Variants in SAMSN1 observed in about 807,000 individuals in gnomAD.
The protein encoded by SAMSN1 is SAM domain-containing protein SAMSN-1.
In SAMSN1, 31 loss-of-function variants were observed where a neutral mutation model predicts 42.0. The ratio of observed to expected loss-of-function variants is 0.74; its 90% CI spans 0.55 to 1.00. The LOEUF is 1.00. Among genes scored for constraint, SAMSN1 ranks in the 50% least tolerant of loss-of-function variants. The probability of loss-of-function intolerance (pLI) is 0.00; values close to 1 mark genes in which losing one functional copy is unlikely to be tolerated. For missense variants in SAMSN1, 464 were observed against 439.4 expected (o/e 1.06, Z -0.50); for synonymous variants, 178 against 151.9 (o/e 1.17, Z -1.26).
chr21:14,577,267 TATATATATATATATATA>T lies in SAMSN1; in HGVS notation c.261+4852_261+4868del, dbSNP rs1318040233. Among the ~76,000 whole-genome samples the T allele has an allele frequency of 8.0e-4, 42 of 52,818 alleles. 4 individuals carry two copies. Among genetic ancestry groups the T allele is most frequent in the African/African-American group, 2.4e-3 (19 of 8,076 alleles). 34.7% of individuals were successfully genotyped at this position (52,818 alleles called of 152,430 possible). A position where few individuals can be genotyped will look rare whatever the true frequency, so the allele number is the denominator to read the frequency against. On this transcript the variant is annotated intron_variant, in intron 2 of 8. Coordinates refer to the SAMSN1 transcript ENST00000285670. ...ATATATATATATATATATATATATA[TATATATATATATATATA>T]TTTTTTTTTTAGAAGAGACAGGGTT...
intron 1 of SAMSN1, among the ~76,000 whole-genome samples, chr21:14,653,129 G>A (rs534264870): frequency 2.0e-5 from 3 of 151,980 alleles, no homozygotes; most frequent in African/African-American, 7.2e-5. Context: ...ACAGTTTGGA[G>A]GTTCCCCAAA....
intron 7 of SAMSN1, among the ~76,000 whole-genome samples, chr21:14,490,266 T>C (rs190319374): frequency 1.3e-5 from 2 of 152,174 alleles, no homozygotes; most frequent in African/African-American, 4.8e-5. Flanking sequence ...TTAAAGGGCA[T>C]TGGAACTAAA....
At chr21:14,566,576 C>T (rs1041606843) in intron 2 of SAMSN1, among the ~76,000 whole-genome samples, 6 of 151,644 alleles carry the variant, frequency 4.0e-5, no homozygotes, top group Admixed American at 6.6e-5. Flanking sequence ...CTCACTTTGT[C>T]GCCCAGGCTA....
exon 6 of SAMSN1, chr21:14,602,039 T>G (rs1251809112): frequency 1.4e-6 from 1 of 690,056 alleles, no homozygotes; most frequent in Non-Finnish European, 2.7e-6. Flanking sequence ...GGAAGTTCCT[T>G]GTAGAGTTTT....
chr21:14,648,484 C>G (rs1197523978), intron 1 of SAMSN1, among the ~76,000 whole-genome samples: 1 of 152,092 alleles, frequency 6.6e-6, no homozygotes, highest in Admixed American at 6.5e-5. Flanking sequence ...AAACAGGCAA[C>G]CTAAAAAATG....
intron 7 of SAMSN1, among the ~76,000 whole-genome samples, chr21:14,490,967 C>T (rs912037750): frequency 1.3e-5 from 2 of 152,192 alleles, no homozygotes; most frequent in Admixed American, 6.5e-5. Context: ...CTGCTACTCT[C>T]CCCAACCATA....
At chr21:14,623,867 T>C (rs1160848861) in intron 2 of SAMSN1, among the ~76,000 whole-genome samples, 1 of 152,132 alleles carries the variant, frequency 6.6e-6, no homozygotes, top group Non-Finnish European at 1.5e-5. Flanking sequence ...ACTGACCACA[T>C]AGTTAGAAGT....
intron 1 of SAMSN1, chr21:14,523,131 C>A (rs1327634687): frequency 6.6e-6 from 1 of 152,192 alleles, no homozygotes; most frequent in Middle Eastern, 3.4e-3. Flanking sequence ...GCTATATTGT[C>A]CTTTCAGAAA....
In SAMSN1 at chr21:14,485,889, G is replaced by A. The variant is rs1568758103; in HGVS notation, c.*23C>T. ...AGAGTTAAAATGGAATGCATCTGTAGATATATAGTTGGGAATGCGTGTTCA... is the reference window on the plus strand; with the variant it reads ...AGAGTTAAAATGGAATGCATCTGTAAATATATAGTTGGGAATGCGTGTTCA... On this transcript the variant is annotated 3_prime_UTR_variant, in exon 8 of 8. Transcript: ENST00000400566. 6.3e-7 allele frequency: 1 copy of A among 1,575,660 alleles called. No homozygotes were observed. Among genetic ancestry groups the A allele is most frequent in the Non-Finnish European group, 8.7e-7 (1 of 1,145,890 alleles).
chr21:14,649,126 T>C (rs1373260589), intron 1 of SAMSN1, among the ~76,000 whole-genome samples: 2 of 152,090 alleles, frequency 1.3e-5, no homozygotes, highest in Admixed American at 6.5e-5. Flanking sequence ...TGTAGGGACA[T>C]GGATGAAATT....
intron 2 of SAMSN1, among the ~76,000 whole-genome samples, chr21:14,627,277 G>GGA (rs1555845227): frequency 6.6e-6 from 1 of 150,828 alleles, no homozygotes; most frequent in African/African-American, 2.4e-5. Flanking sequence ...AAAGTATAAT[G>GGA]AAAAAAAAAG....
At chr21:14,627,096 G>A (rs890976626) in intron 2 of SAMSN1, among the ~76,000 whole-genome samples, 1 of 152,042 alleles carries the variant, frequency 6.6e-6, no homozygotes, top group Admixed American at 6.6e-5. Flanking sequence ...ATGGACACAG[G>A]GTGAGGAACA....
At chr21:14,497,234 G>C (rs910890898) in intron 7 of SAMSN1, among the ~76,000 whole-genome samples, 17 of 152,128 alleles carry the variant, frequency 1.1e-4, no homozygotes, top group Admixed American at 3.9e-4. Context: ...GAATAATCAG[G>C]AAAGACCCTG....
At chr21:14,558,363 A>G (rs886242224) in intron 2 of SAMSN1, among the ~76,000 whole-genome samples, 6 of 151,960 alleles carry the variant, frequency 3.9e-5, no homozygotes, top group Admixed American at 3.3e-4. Flanking sequence ...GGAAACACGC[A>G]TGCTACGAAC....
chr21:14,592,422 A>G (rs1297808403), intron 7 of SAMSN1: 1 of 157,324 alleles, frequency 6.4e-6, no homozygotes, highest in African/African-American at 2.4e-5. Flanking sequence ...TAGAGTAAGA[A>G]CCTGCCCTTG....
upstream of SAMSN1, among the ~76,000 whole-genome samples, chr21:14,583,962 C>A (rs555766187): frequency 2.0e-5 from 3 of 151,402 alleles, no homozygotes; most frequent in South Asian, 2.1e-4. Context: ...AAATATGTTA[C>A]AACTGGCCAG....
rs187755744 is a variant in SAMSN1, at chr21:14,541,440, C to T, written c.57+4765G>A. Reference sequence around the variant, plus strand: ...ATGATGGCTTTGAATGTGGCCTTGACGGCTTTGCATGTGGCCCCACACAAA... The same window carrying T: ...ATGATGGCTTTGAATGTGGCCTTGATGGCTTTGCATGTGGCCCCACACAAA... On this transcript the variant is annotated intron_variant, in intron 1 of 7. Coordinates refer to ENST00000400566, the MANE Select transcript of SAMSN1 (RefSeq NM_022136.5). Among the ~76,000 whole-genome samples, 18 of 152,164 alleles carry T rather than the reference C, an allele frequency of 1.2e-4. No individual in the cohort carries two copies. The East Asian group carries it at 2.1e-3, about 18-fold the overall frequency.
intron 6 of SAMSN1, among the ~76,000 whole-genome samples, chr21:14,594,973 G>C (rs1982214839): frequency 6.6e-6 from 1 of 152,164 alleles, no homozygotes; most frequent in Non-Finnish European, 1.5e-5. Context: ...TCCAGTCATG[G>C]TGGAAGGCAA....
intron 2 of SAMSN1, among the ~76,000 whole-genome samples, chr21:14,574,095 A>C (rs1258173957): frequency 3.3e-5 from 5 of 152,152 alleles, no homozygotes; most frequent in Non-Finnish European, 7.4e-5. Context: ...ATTGATGTCC[A>C]GCTTTGGTGA....
Sources: allele counts gnomAD v4.1 joint callset (sites outside exome capture counted in the v4.1 genomes callset), GRCh38; gene constraint gnomAD v4.1.1; transcripts MANE v1.5; gene names NCBI Gene and HGNC (gene_info 2026-07-23, HGNC 2026-07-21).